SYK: variants seen among roughly 807,000 people sequenced by gnomAD.
SYK encodes the protein spleen associated tyrosine kinase.
A neutral mutation model predicts 77.8 loss-of-function variants in SYK; 16 were observed. The ratio of observed to expected loss-of-function variants is 0.21; its 90% CI spans 0.14 to 0.31. SYK has a LOEUF of 0.31. SYK is among the 10% of genes least tolerant of loss of function. SYK has a pLI of 1.00. For missense variants in SYK, 529 were observed against 814.4 expected (o/e 0.65, Z 4.26); for synonymous variants, 312 against 308.7 (o/e 1.01, Z -0.11).
intron 1 of SYK, among the ~76,000 whole-genome samples, chr9:90,829,808 A>G (rs1393370979): frequency 6.6e-6 from 1 of 152,234 alleles, no homozygotes; most frequent in African/African-American, 2.4e-5. Flanking sequence ...ATTTATATTA[A>G]CATAATGTTA....
chr9:90,878,964 C>A lies in SYK; in HGVS notation c.1581+11C>A, dbSNP rs199609508. 1 of 1,582,704 alleles carries A rather than the reference C, an allele frequency of 6.3e-7. No homozygotes were observed. The highest frequency in any genetic ancestry group is 1.3e-5 in the African/African-American group (1 of 74,448). On this transcript the variant is annotated intron_variant, in intron 11 of 13. Transcript: ENST00000375754. Reference sequence around the variant, plus strand: ...GAAAACTACTACAAGGTAAGTACAACTTAGCTAATATTCAGAGCAGCAGGT... The same window carrying A: ...GAAAACTACTACAAGGTAAGTACAAATTAGCTAATATTCAGAGCAGCAGGT...
chr9:90,883,454 C>T (rs945786009), intron 11 of SYK, among the ~76,000 whole-genome samples: 1 of 152,154 alleles, frequency 6.6e-6, no homozygotes, highest in African/African-American at 2.4e-5. Context: ...ACCACCACTG[C>T]TGAGGGCTGC....
chr9:90,886,900 G>A (rs1025737703), intron 11 of SYK, among the ~76,000 whole-genome samples: 2 of 152,064 alleles, frequency 1.3e-5, no homozygotes, highest in Non-Finnish European at 1.5e-5. Context: ...ATGGATGAAT[G>A]GATAAAGAAA....
At chr9:90,859,281 C>T (rs1827159507) in intron 3 of SYK, among the ~76,000 whole-genome samples, 1 of 152,168 alleles carries the variant, frequency 6.6e-6, no homozygotes. Context: ...TCATCACGCC[C>T]TTGCTTTTTT....
At chr9:90,858,523 C>G (rs1487219064) in intron 3 of SYK, among the ~76,000 whole-genome samples, 2 of 152,256 alleles carry the variant, frequency 1.3e-5, no homozygotes, top group African/African-American at 4.8e-5. Context: ...AGCCAGGAGC[C>G]TTGCCTGTGT....
chr9:90,868,034 C>A (rs1021608545), intron 7 of SYK, among the ~76,000 whole-genome samples: 9 of 152,058 alleles, frequency 5.9e-5, no homozygotes, highest in African/African-American at 2.2e-4. Context: ...AGCATCCACT[C>A]ATGAAATAGA....
intron 1 of SYK, among the ~76,000 whole-genome samples, chr9:90,822,519 A>G (rs767142957): frequency 3.3e-5 from 5 of 152,246 alleles, no homozygotes; most frequent in African/African-American, 4.8e-5. Flanking sequence ...ATAATTTTTC[A>G]TAGTCAATAT....
chr9:90,833,783 G>A (rs182884837), intron 1 of SYK, among the ~76,000 whole-genome samples: 1 of 152,332 alleles, frequency 6.6e-6, no homozygotes, highest in East Asian at 1.9e-4. Context: ...TGTATAGTCA[G>A]CTTTAGTCCT....
At chr9:90,860,682 C>T (rs991811382) in intron 3 of SYK, among the ~76,000 whole-genome samples, 8 of 152,078 alleles carry the variant, frequency 5.3e-5, no homozygotes, top group African/African-American at 1.4e-4. Flanking sequence ...GGCCAAGCAC[C>T]GCTAGAAAAG....
chr9:90,884,292 TACGTGTATATATAC>T (rs1373013073), intron 11 of SYK, among the ~76,000 whole-genome samples: 5 of 151,020 alleles, frequency 3.3e-5, no homozygotes, highest in South Asian at 4.2e-4. Flanking sequence ...CATATACACA[TACGTGTATATATAC>T]ACACATATAC....
chr9:90,884,999 A>G (rs930344121), intron 11 of SYK, among the ~76,000 whole-genome samples: 3 of 145,782 alleles, frequency 2.1e-5, no homozygotes, highest in African/African-American at 7.7e-5. Context: ...TATATACCCA[A>G]CAACATATAT....
At chr9:90,870,939 T>C (rs1179908850) in intron 7 of SYK, among the ~76,000 whole-genome samples, 1 of 152,250 alleles carries the variant, frequency 6.6e-6, no homozygotes, top group Non-Finnish European at 1.5e-5. Flanking sequence ...GGCAATACTC[T>C]GGAATCAGGA....
At chr9:90,835,306 G>A (rs56222210) in intron 1 of SYK, among the ~76,000 whole-genome samples, 17,706 of 152,234 alleles carry the variant, frequency 0.12, 1,147 homozygotes, top group Middle Eastern at 0.26. Context: ...GAAGCCCAGC[G>A]GAGATGTTGG....
In SYK at chr9:90,860,646, G is replaced by T. The variant is rs150341884; in HGVS notation, c.579-1560G>T. ...TATGTGTCCTGTACCCTGGCCAGCT[G>T]CCCTGAGCTGTGGGGTGCTGTGCAT... On this transcript the variant is annotated intron_variant, in intron 3 of 13. Coordinates refer to ENST00000375754, the MANE Select transcript of SYK (RefSeq NM_003177.7). 4.0e-3 allele frequency among the ~76,000 whole-genome samples: 615 copies of T among 152,248 alleles called. 4 individuals carry two copies. Among genetic ancestry groups the T allele is most frequent in the African/African-American group, 0.014 (572 of 41,540 alleles).
At chr9:90,875,240 A>AAATAAATAAAT (rs1564113162) in intron 9 of SYK, among the ~76,000 whole-genome samples, 104 of 151,096 alleles carry the variant, frequency 6.9e-4, no homozygotes, top group African/African-American at 2.5e-3. Flanking sequence ...CTCTACAAAA[A>AAATAAATAAAT]AAATAAATAA....
intron 3 of SYK, among the ~76,000 whole-genome samples, chr9:90,848,394 T>G (rs927653904): frequency 1.6e-4 from 24 of 152,350 alleles, no homozygotes; most frequent in Non-Finnish European, 2.5e-4. Flanking sequence ...ATTCCCCTGT[T>G]GGGTCAGGCC....
Position 90,897,400 on chromosome 9 carries a change from C to T in SYK, c.*1800C>T, listed in dbSNP as rs1829031874. On this transcript the variant is annotated 3_prime_UTR_variant, in exon 14 of 14. Transcript: ENST00000375754. ...TCCCTGAAATTAGAAAGATCAATGA[C>T]AAAATATCTGTCAGCCAGGCCACAA... 4.3e-6 allele frequency: 1 copy of T among 231,838 alleles called. No homozygotes were observed. The highest frequency in any genetic ancestry group is 8.5e-6 in the Non-Finnish European group (1 of 117,176). The allele number at this position is 231,838 out of a possible 1,614,324, so 14.4% of individuals were successfully genotyped here. A position where few individuals can be genotyped will look rare whatever the true frequency, so the allele number is the denominator to read the frequency against.
intron 12 of SYK, 58 bp from the exon 13 acceptor site, chr9:90,888,457 T>A: frequency 7.5e-7 from 1 of 1,340,832 alleles, no homozygotes; most frequent in Non-Finnish European, 1.0e-6. Flanking sequence ...GCTGTTTTGT[T>A]TTGTTTGACT....
chr9:90,844,796 G>A (rs1826519584), intron 2 of SYK, among the ~76,000 whole-genome samples: 1 of 152,182 alleles, frequency 6.6e-6, no homozygotes, highest in African/African-American at 2.4e-5. Context: ...CCTATTGATG[G>A]ACACATTTGC....
Sources: allele counts gnomAD v4.1 joint callset (sites outside exome capture counted in the v4.1 genomes callset), GRCh38; gene constraint gnomAD v4.1.1; transcripts MANE v1.5; gene names NCBI Gene and HGNC (gene_info 2026-07-23, HGNC 2026-07-21).